Variants in HSD11B1L observed in about 807,000 individuals in gnomAD.
HSD11B1L encodes the protein hydroxysteroid 11-beta-dehydrogenase 1-like protein.
HSD11B1L carries 22 observed loss-of-function variants against 27.0 expected under a neutral mutation model. The ratio of observed to expected loss-of-function variants is 0.81; its 90% confidence interval spans 0.58 to 1.16. HSD11B1L has a LOEUF of 1.16. Among genes scored for constraint, HSD11B1L ranks in the 50% most tolerant of loss-of-function variants. HSD11B1L has a pLI of 0.00. For missense variants in HSD11B1L, 372 were observed against 401.8 expected (o/e 0.93, Z 0.63); for synonymous variants, 187 against 189.2 (o/e 0.99, Z 0.09).
rs2054707548 is a variant in HSD11B1L, at chr19:5,686,883, CG to C, written c.317-15del. 1 of 1,535,260 alleles carries C rather than the reference CG, an allele frequency of 6.5e-7. No individual in the cohort carries two copies. Among genetic ancestry groups the C allele is most frequent in the South Asian group, 1.2e-5 (1 of 82,552 alleles). On this transcript the variant is annotated splice_polypyrimidine_tract_variant and intron_variant, in intron 4 of 7. Coordinates refer to ENST00000339423, the MANE Select transcript of HSD11B1L (RefSeq NM_198706.3). ...TTGGGGAGGGGCCTCCGGGGCTGAC[CG>C]GCGTTTCTGGGCCAGGCGGGCTGGA...
chr19:5,684,047 C>T, intron 1 of HSD11B1L: 2 of 484,706 alleles, frequency 4.1e-6, no homozygotes, highest in African/African-American at 4.0e-5. Context: ...CAAATCTCGG[C>T]ACACTACAAC....
intron 4 of HSD11B1L, 112 bp from the exon 5 acceptor site, chr19:5,686,788 C>T (rs917608177): frequency 1.6e-5 from 14 of 894,642 alleles, no homozygotes; most frequent in Non-Finnish European, 2.2e-5. Flanking sequence ...GTGGGAGTTA[C>T]CTGGGGCGGA....
chr19:5,686,630 A>G, intron 4 of HSD11B1L, 103 bp downstream of exon 4: 1 of 896,908 alleles, frequency 1.1e-6, no homozygotes, highest in Non-Finnish European at 1.7e-6. Flanking sequence ...CAGGTGTCTC[A>G]GGGCGGAGAC....
chr19:5,684,714 A>G (rs913442011), intron 1 of HSD11B1L, 105 bp from the exon 2 acceptor site: 22 of 1,558,952 alleles, frequency 1.4e-5, no homozygotes, highest in Non-Finnish European at 1.9e-5. Flanking sequence ...GGAGGTGGAT[A>G]GGAAGGCGTG....
intron 1 of HSD11B1L, among the ~76,000 whole-genome samples, chr19:5,683,060 A>G (rs2054599143): frequency 6.6e-6 from 1 of 151,800 alleles, no homozygotes; most frequent in African/African-American, 2.4e-5. Context: ...CAGCTAATTT[A>G]GTATTTTTAG....
intron 1 of HSD11B1L, chr19:5,684,173 G>C (rs919623579): frequency 7.2e-5 from 28 of 389,040 alleles, no homozygotes; most frequent in Non-Finnish European, 1.2e-4. Flanking sequence ...CTGCCACCGC[G>C]CCCGGCTAAT....
At position 5,687,696 on chromosome 19, in the gene HSD11B1L, G is replaced by T. The variant is rs757552334; in HGVS notation, c.668+28G>T. The stretch of plus-strand genomic sequence containing the variant: ...GAGGCCCGGACAAGCTGGGGGCTGG[G>T]CTGGGGGCCATGGCCCAGCCCCAGC... On this transcript the variant is annotated intron_variant, in intron 7 of 7. Coordinates refer to ENST00000339423, the MANE Select transcript of HSD11B1L (RefSeq NM_198706.3). This position sits in a 1 kb window ranked among gnomAD's most constrained non-coding sequence, Gnocchi z 6.6. The T allele has an allele frequency of 1.5e-4, 225 of 1,546,196 alleles. No homozygotes were observed. The highest frequency in any genetic ancestry group is 2.0e-4 in the Admixed American group (10 of 51,020).
At position 5,687,579 on chromosome 19, in the gene HSD11B1L, G is replaced by A. The variant is rs2054735449; in HGVS notation, c.579G>A (p.Arg193=). 1 of 1,599,034 alleles carries A rather than the reference G, an allele frequency of 6.3e-7. No homozygotes were observed. The highest frequency in any genetic ancestry group is 1.1e-5 in the South Asian group (1 of 90,748). ...FALDGFFGSL[R]RELDVQDVNV... is the part of the protein sequence containing the mutation. ...TGGACGGCTTCTTCGGCTCCCTGCG[G>A]CGGGAGCTGGACGTGCAGGACGTGA... Residue 193 remains arginine (R), a synonymous_variant, in exon 7 of 8, where the codon CGG becomes CGA. Coordinates refer to ENST00000339423, the MANE Select transcript of HSD11B1L (RefSeq NM_198706.3). This position sits in a 1 kb window ranked among gnomAD's most constrained non-coding sequence, Gnocchi z 6.6.
rs1018713842 is a variant in HSD11B1L, at chr19:5,687,856, C to G, written c.772C>G (p.Arg258Gly). The G allele has an allele frequency of 6.3e-7, 1 of 1,577,522 alleles. No homozygotes were observed. The highest frequency in any genetic ancestry group is 1.4e-5 in the African/African-American group (1 of 73,962). The change falls in exon 8 of 8, where the codon CGC becomes GGC. Residue 258 changes from arginine to glycine, a missense_variant. Transcript: ENST00000339423. The surrounding 1 kb of genome is among the most constrained non-coding windows in gnomAD (Gnocchi z 6.6). ...CGGCGTCTTCTACCCGTGGCGTTTC[C>G]GCCTGCTGTGCTTGCTCCGGCGCTG... ...AAGVFYPWRF[R>G]LLCLLRRWLP...
intron 4 of HSD11B1L, 117 bp downstream of exon 4, chr19:5,686,644 T>C (rs569393898): frequency 8.8e-6 from 7 of 792,930 alleles, no homozygotes; most frequent in Non-Finnish European, 1.4e-5. Flanking sequence ...CGGAGACAAA[T>C]GGGGACTGGG....
At chr19:5,686,383 G>C in intron 3 of HSD11B1L, 33 bp from the exon 4 acceptor site, 1 of 1,438,022 alleles carries the variant, frequency 7.0e-7, no homozygotes, top group South Asian at 1.3e-5. Context: ...TGCTGTAGAG[G>C]AGAGGCCCAC....
At chr19:5,684,369 G>T in intron 1 of HSD11B1L, 1 of 330,756 alleles carries the variant, frequency 3.0e-6, no homozygotes, top group Admixed American at 4.5e-5. Context: ...GCAAGCCATT[G>T]GGTTATATCC....
intron 1 of HSD11B1L, among the ~76,000 whole-genome samples, chr19:5,682,513 A>G (rs1170583363): frequency 6.6e-6 from 1 of 152,100 alleles, no homozygotes; most frequent in African/African-American, 2.4e-5. Flanking sequence ...AAAGGATAGA[A>G]GGAGGTGAGG....
rs749083432 is a variant in HSD11B1L at position 5,687,335 on chromosome 19, G to T, written c.462G>T (p.Thr154=). Residue 154 remains threonine (T), a synonymous_variant, in exon 6 of 8, where the codon ACG becomes ACT. Coordinates refer to ENST00000339423, the MANE Select transcript of HSD11B1L (RefSeq NM_198706.3). The surrounding 1 kb of genome is among the most constrained non-coding windows in gnomAD (Gnocchi z 6.6). The part of the protein sequence containing the change: ...QLTSRALPSL[T]DSKGSLVVVS... ...CGTCGCGGGCGCTGCCCAGCCTGAC[G>T]GACAGCAAGGGCTCCCTGGTGGTGG... 6.2e-7 allele frequency: 1 copy of T among 1,612,830 alleles called. No individual in the cohort carries two copies. Among genetic ancestry groups the T allele is most frequent in the South Asian group, 1.1e-5 (1 of 91,062 alleles).
At position 5,682,810 on chromosome 19, in the gene HSD11B1L, C is replaced by CTT. The variant is rs5826895; in HGVS notation, c.-15+1564_-15+1565dup. Among the ~76,000 whole-genome samples, 27 of 95,396 alleles carry CTT rather than the reference C, an allele frequency of 2.8e-4. 1 individual carries two copies. The highest frequency in any genetic ancestry group is 1.1e-3 in the South Asian group (3 of 2,702). The allele number at this position is 95,396 out of a possible 152,430, so 62.6% of individuals were successfully genotyped here. ...AGTCCCCTTCCCCTTGTCCCATTGA[C>CTT]TTTTTTTTTTTTTTTTTTTTTTTTT... On this transcript the variant is annotated intron_variant, in intron 1 of 7. Transcript: ENST00000339423.
rs769873323 is a variant in HSD11B1L at position 5,685,136 on chromosome 19, C to T, written c.204+17C>T. 17 of 1,543,424 alleles carry T rather than the reference C, an allele frequency of 1.1e-5. No individual in the cohort carries two copies. Among genetic ancestry groups the T allele is most frequent in the Admixed American group, 2.0e-5 (1 of 50,992 alleles). On this transcript the variant is annotated intron_variant, in intron 3 of 7. Transcript: ENST00000339423. This position sits in a 1 kb window ranked among gnomAD's most constrained non-coding sequence, Gnocchi z 4.3. The stretch of plus-strand genomic sequence containing the variant: ...CTGCAGAAGGTGAGCCACCCCATGT[C>T]TAGATGAATGGTGGGGGTGCTCATG...
intron 1 of HSD11B1L, chr19:5,684,006 C>G: frequency 2.2e-6 from 1 of 455,008 alleles, no homozygotes. Flanking sequence ...TACGGAGTTT[C>G]GCTCTTGTTG....
intron 4 of HSD11B1L, 21 bp from the exon 5 acceptor site, chr19:5,686,879 T>A: frequency 6.5e-7 from 1 of 1,532,954 alleles, no homozygotes; most frequent in Non-Finnish European, 8.8e-7. Context: ...CCTCCGGGGC[T>A]GACCGGCGTT....
chr19:5,687,982 G>A lies in HSD11B1L; in HGVS notation c.*37G>A. On this transcript the variant is annotated 3_prime_UTR_variant, in exon 8 of 8. Transcript: ENST00000339423. This position sits in a 1 kb window ranked among gnomAD's most constrained non-coding sequence, Gnocchi z 6.6. Reference sequence around the variant, plus strand: ...TGCCCCTCCAGTCCCAGACGGCAATGTTCCTCCCTCCAACTGTCCCTGGAG... The same window carrying A: ...TGCCCCTCCAGTCCCAGACGGCAATATTCCTCCCTCCAACTGTCCCTGGAG... The A allele has an allele frequency of 1.1e-5, 17 of 1,552,574 alleles. No individual in the cohort carries two copies. Among genetic ancestry groups the A allele is most frequent in the Non-Finnish European group, 1.5e-5 (17 of 1,147,506 alleles).
Sources: allele counts gnomAD v4.1 joint callset (sites outside exome capture counted in the v4.1 genomes callset), GRCh38; gene constraint gnomAD v4.1.1; non-coding constraint Gnocchi (gnomAD v3.1); transcripts MANE v1.5; gene names NCBI Gene and HGNC (gene_info 2026-07-23, HGNC 2026-07-21).